Variants in FAP observed in about 807,000 individuals in gnomAD.
The protein encoded by FAP is fibroblast activation protein alpha, also known as prolyl endopeptidase FAP.
FAP carries 110 observed loss-of-function variants against 126.5 expected under a neutral mutation model. That is an observed-to-expected ratio of 0.87 (90% CI 0.74 to 1.02). FAP has a LOEUF of 1.02. Among genes scored for constraint, FAP ranks in the 50% least tolerant of loss-of-function variants. The pLI, the probability that FAP is intolerant of heterozygous loss-of-function variation, is 0.00. For missense variants in FAP, 919 were observed against 909.2 expected (o/e 1.01, Z -0.14); for synonymous variants, 334 against 297.3 (o/e 1.12, Z -1.27).
At chr2:162,184,839 T>C (rs553293621) in intron 20 of FAP, among the ~76,000 whole-genome samples, 11 of 152,264 alleles carry the variant, frequency 7.2e-5, no homozygotes, top group Admixed American at 7.2e-4. Context: ...ATTGTGATTT[T>C]ATGATCTCCC....
intron 2 of FAP, among the ~76,000 whole-genome samples, chr2:162,230,050 G>A (rs1010740339): frequency 1.3e-5 from 2 of 152,102 alleles, no homozygotes; most frequent in Non-Finnish European, 2.9e-5. Flanking sequence ...CTAACCTCAC[G>A]TTAGCTTTGA....
At chr2:162,181,067 G>A (rs950900445) in intron 21 of FAP, among the ~76,000 whole-genome samples, 2 of 152,152 alleles carry the variant, frequency 1.3e-5, no homozygotes, top group African/African-American at 4.8e-5. Flanking sequence ...TTGAGCCTAG[G>A]GGTTTGAGAC....
intron 16 of FAP, chr2:162,197,476 C>T: frequency 2.3e-6 from 1 of 442,806 alleles, no homozygotes; most frequent in East Asian, 7.1e-5. Context: ...TGCCAGTAAC[C>T]ACAATCAGCA....
chr2:162,194,067 A>C (rs1688148633), intron 17 of FAP: 1 of 152,160 alleles, frequency 6.6e-6, no homozygotes, highest in Non-Finnish European at 1.5e-5. Context: ...GATGTGAACT[A>C]TTTTGAACCA....
intron 2 of FAP, among the ~76,000 whole-genome samples, chr2:162,235,107 C>T (rs934884511): frequency 1.1e-4 from 17 of 152,012 alleles, no homozygotes; most frequent in Non-Finnish European, 2.4e-4. Context: ...TGCAGCCAAC[C>T]ATGCCTGAGT....
At chr2:162,178,813 A>G (rs780738571) in intron 21 of FAP, among the ~76,000 whole-genome samples, 1 of 152,194 alleles carries the variant, frequency 6.6e-6, no homozygotes, top group Non-Finnish European at 1.5e-5. Flanking sequence ...TCATGGAAAC[A>G]CATATATTCT....
Position 162,226,636 on chromosome 2 carries a change from C to T in FAP, c.92-15G>A. 1 of 1,309,578 alleles carries T rather than the reference C, an allele frequency of 7.6e-7. No individual in the cohort carries two copies. Among genetic ancestry groups the T allele is most frequent in the East Asian group, 2.3e-5 (1 of 43,140 alleles). 81.1% of individuals were successfully genotyped at this position (1,309,578 alleles called of 1,614,324 possible). A position where few individuals can be genotyped will look rare whatever the true frequency, so the allele number is the denominator to read the frequency against. On this transcript the variant is annotated splice_polypyrimidine_tract_variant and intron_variant, in intron 2 of 25. Coordinates refer to ENST00000188790, the MANE Select transcript of FAP (RefSeq NM_004460.5). ...AGAGTTATGAACTTTGGGGGAAGAG[C>T]AAATACATCCTTATTAAAAAGAAGG...
chr2:162,221,881 A>T (rs1474276348), intron 6 of FAP, among the ~76,000 whole-genome samples: 3 of 152,166 alleles, frequency 2.0e-5, no homozygotes, highest in Non-Finnish European at 2.9e-5. Flanking sequence ...AATTGGTGGT[A>T]TTCAGCGATG....
intron 17 of FAP, among the ~76,000 whole-genome samples, chr2:162,192,981 C>A (rs1313783239): frequency 1.3e-5 from 2 of 152,104 alleles, no homozygotes; most frequent in African/African-American, 4.8e-5. Context: ...ATTGTAACTG[C>A]CCATTTCCAT....
chr2:162,188,699 C>A (rs554891576), intron 19 of FAP, among the ~76,000 whole-genome samples: 3 of 152,160 alleles, frequency 2.0e-5, no homozygotes, highest in Admixed American at 2.0e-4. Context: ...GTGTTTTAAG[C>A]AAATTGTGTG....
chr2:162,230,305 G>A (rs72871616), intron 2 of FAP, among the ~76,000 whole-genome samples: 1,694 of 152,118 alleles, frequency 0.011, 22 homozygotes, highest in Non-Finnish European at 0.017. Flanking sequence ...TTCAATCCAA[G>A]CTTTGATTCT....
intron 14 of FAP, among the ~76,000 whole-genome samples, chr2:162,201,588 C>T (rs1220633263): frequency 6.6e-6 from 1 of 152,138 alleles, no homozygotes; most frequent in Non-Finnish European, 1.5e-5. Context: ...GTCTCCCTCT[C>T]TAACCCTTGC....
At chr2:162,179,854 G>T (rs370915232) in intron 21 of FAP, among the ~76,000 whole-genome samples, 1 of 146,094 alleles carries the variant, frequency 6.8e-6, no homozygotes, top group East Asian at 2.0e-4. Flanking sequence ...TGTTGCCCAG[G>T]CTGGAGTACA....
At chr2:162,201,470 T>G (rs1453362143) in intron 14 of FAP, among the ~76,000 whole-genome samples, 2 of 152,176 alleles carry the variant, frequency 1.3e-5, no homozygotes, top group Non-Finnish European at 2.9e-5. Context: ...CATCATCCCT[T>G]TTCCTTGCCC....
chr2:162,223,115 C>T (rs181111707), intron 6 of FAP, among the ~76,000 whole-genome samples: 181 of 152,076 alleles, frequency 1.2e-3, no homozygotes, highest in Non-Finnish European at 1.9e-3. Flanking sequence ...GTATTTTACA[C>T]GTCAGATATT....
chr2:162,184,876 A>G (rs896781839), intron 20 of FAP, among the ~76,000 whole-genome samples: 2 of 152,102 alleles, frequency 1.3e-5, no homozygotes, highest in Admixed American at 6.6e-5. Flanking sequence ...ACTACCTTAC[A>G]TCTGGGGTAA....
At chr2:162,217,597 A>T (rs1689202730) in intron 9 of FAP, among the ~76,000 whole-genome samples, 1 of 152,212 alleles carries the variant, frequency 6.6e-6, no homozygotes. Context: ...TGACAGGAAC[A>T]TCAAATTCAG....
intron 6 of FAP, among the ~76,000 whole-genome samples, chr2:162,223,231 C>A (rs1689487616): frequency 6.6e-6 from 1 of 152,070 alleles, no homozygotes; most frequent in Non-Finnish European, 1.5e-5. Flanking sequence ...ACATCTCTCT[C>A]CCGCCCTTCC....
Position 162,171,028 on chromosome 2 carries a change from T to A in FAP, c.2234A>T (p.Tyr745Phe), listed in dbSNP as rs769339096. The A allele has an allele frequency of 1.9e-5, 31 of 1,613,210 alleles. 1 individual carries two copies. In the Admixed American group the frequency reaches 2.0e-4, roughly 10 times the overall value. Residue 745 changes from tyrosine (Y) to phenylalanine (F), a missense_variant, in exon 26 of 26, where the codon TAC (tyrosine) becomes TTC (phenylalanine). Transcript: ENST00000188790. ...GLSGLSTNHLYTHMTHFLKQC... is the reference protein window; with the variant it reads ...GLSGLSTNHLFTHMTHFLKQC... ...CTTTAGGAAGTGGGTCATGTGGGTG[T>A]ATAAGTGGTTCGTGGACAGGCCGGA...
Sources: gnomAD v4.1 joint callset for allele counts (sites outside exome capture counted in the v4.1 genomes callset) on GRCh38, gnomAD v4.1.1 for gene constraint, MANE v1.5 for transcripts, NCBI Gene and HGNC (gene_info 2026-07-23, HGNC 2026-07-21) for gene names.